EFCAB11: variants seen among roughly 807,000 people sequenced by gnomAD.
The protein encoded by EFCAB11 is EF-hand calcium binding domain 11.
Under a neutral mutation model 23.0 loss-of-function variants are expected in EFCAB11, and 14 were observed. The observed-to-expected ratio is 0.61, with a 90% CI of 0.40 to 0.95. EFCAB11 has a LOEUF of 0.95. Among genes scored for constraint, EFCAB11 ranks in the 40% least tolerant of loss-of-function variants. EFCAB11 has a pLI of 0.00. For missense variants in EFCAB11, 198 were observed against 195.8 expected (o/e 1.01, Z -0.07); for synonymous variants, 65 against 66.6 (o/e 0.98, Z 0.11).
At chr14:89,861,339 A>C (rs138966177) in intron 5 of EFCAB11, among the ~76,000 whole-genome samples, 2 of 152,302 alleles carry the variant, frequency 1.3e-5, no homozygotes, top group Non-Finnish European at 2.9e-5. Flanking sequence ...ATTCTGTGTT[A>C]AGATTTGACC....
intron 5 of EFCAB11, among the ~76,000 whole-genome samples, chr14:89,911,665 A>T (rs1889681302): frequency 6.6e-6 from 1 of 152,254 alleles, no homozygotes; most frequent in African/African-American, 2.4e-5. Context: ...ATGTAGCCCA[A>T]GCACAACAAA....
chr14:89,822,078 G>A (rs369152515), intron 5 of EFCAB11, among the ~76,000 whole-genome samples: 1 of 151,888 alleles, frequency 6.6e-6, no homozygotes, highest in African/African-American at 2.4e-5. Context: ...AATAACTCGA[G>A]GTTTTTTTTA....
intron 5 of EFCAB11, among the ~76,000 whole-genome samples, chr14:89,829,026 G>A (rs144631014): frequency 5.5e-4 from 83 of 152,252 alleles, no homozygotes; most frequent in African/African-American, 1.9e-3. Flanking sequence ...TCACATTCCT[G>A]TTTATGTGCA....
chr14:89,806,502 T>A (rs1373119674), intron 5 of EFCAB11, among the ~76,000 whole-genome samples: 2 of 152,130 alleles, frequency 1.3e-5, no homozygotes, highest in Admixed American at 1.3e-4. Context: ...TCAGACAGTT[T>A]TCAGGATAAA....
intron 5 of EFCAB11, among the ~76,000 whole-genome samples, chr14:89,842,964 C>T (rs573615922): frequency 6.6e-6 from 1 of 152,308 alleles, no homozygotes; most frequent in East Asian, 1.9e-4. Context: ...AGTTTCTAAA[C>T]AGGGTGAGGT....
At chr14:89,860,063 G>T (rs1887874106) in intron 5 of EFCAB11, among the ~76,000 whole-genome samples, 1 of 152,012 alleles carries the variant, frequency 6.6e-6, no homozygotes, top group Admixed American at 6.6e-5. Context: ...CTCCTTTTAG[G>T]ACTAAAAGAT....
chr14:89,922,411 T>C (rs1890048155), intron 5 of EFCAB11, among the ~76,000 whole-genome samples: 1 of 152,152 alleles, frequency 6.6e-6, no homozygotes, highest in Non-Finnish European at 1.5e-5. Context: ...ACCAGTGAAT[T>C]TCAGAGCTGG....
intron 5 of EFCAB11, among the ~76,000 whole-genome samples, chr14:89,895,834 G>C (rs1052960321): frequency 2.0e-5 from 3 of 152,170 alleles, no homozygotes; most frequent in Non-Finnish European, 4.4e-5. Flanking sequence ...AAAGTCACTT[G>C]AAGAAAGTGA....
chr14:89,824,537 A>G (rs1886629138), intron 5 of EFCAB11, among the ~76,000 whole-genome samples: 1 of 152,152 alleles, frequency 6.6e-6, no homozygotes, highest in Admixed American at 6.5e-5. Context: ...ACCCAATGAT[A>G]TAAATAATTA....
intron 5 of EFCAB11, among the ~76,000 whole-genome samples, chr14:89,917,091 T>C (rs1178747115): frequency 8.5e-6 from 1 of 117,658 alleles, no homozygotes; most frequent in Non-Finnish European, 1.5e-5. Flanking sequence ...TGTGTGTGTG[T>C]GTGTGTATGT....
chr14:89,896,317 G>A (rs1889158536), intron 5 of EFCAB11, among the ~76,000 whole-genome samples: 1 of 152,080 alleles, frequency 6.6e-6, no homozygotes, highest in Non-Finnish European at 1.5e-5. Flanking sequence ...GTGAACCCGG[G>A]AGGCGGAGCT....
chr14:89,910,624 T>TACATACAC (rs1430336598), intron 5 of EFCAB11, among the ~76,000 whole-genome samples: 2 of 119,746 alleles, frequency 1.7e-5, no homozygotes, highest in Non-Finnish European at 3.1e-5. Flanking sequence ...CATACATACA[T>TACATACAC]ACATACATAC....
intron 3 of EFCAB11, among the ~76,000 whole-genome samples, chr14:89,933,279 T>C (rs1213644618): frequency 6.6e-6 from 1 of 152,252 alleles, no homozygotes; most frequent in Non-Finnish European, 1.5e-5. Context: ...ACAATGTCTA[T>C]TAAAACGAAT....
At chr14:89,873,540 T>A (rs1888346029) in intron 5 of EFCAB11, among the ~76,000 whole-genome samples, 1 of 152,172 alleles carries the variant, frequency 6.6e-6, no homozygotes, top group African/African-American at 2.4e-5. Flanking sequence ...TCATCTGAGA[T>A]AAGGCAAGTC....
intron 5 of EFCAB11, among the ~76,000 whole-genome samples, chr14:89,903,876 T>C (rs1889411475): frequency 6.6e-6 from 1 of 152,294 alleles, no homozygotes; most frequent in African/African-American, 2.4e-5. Flanking sequence ...GGCGCTAATG[T>C]GGCAAAAGGC....
chr14:89,855,155 T>C (rs1044541227), intron 5 of EFCAB11, among the ~76,000 whole-genome samples: 19 of 151,878 alleles, frequency 1.3e-4, no homozygotes, highest in Middle Eastern at 3.4e-3. Flanking sequence ...TTTTGTAGCC[T>C]GAATAGGACA....
At chr14:89,803,722 C>A (rs562046213) in intron 5 of EFCAB11, among the ~76,000 whole-genome samples, 1 of 152,314 alleles carries the variant, frequency 6.6e-6, no homozygotes, top group South Asian at 2.1e-4. Flanking sequence ...AAGCAAGGAG[C>A]CCCTGCTGGG....
At chr14:89,885,863 G>T (rs186660594) in intron 5 of EFCAB11, among the ~76,000 whole-genome samples, 1 of 150,010 alleles carries the variant, frequency 6.7e-6, no homozygotes, top group Admixed American at 6.6e-5. Flanking sequence ...TGGGTTTGAA[G>T]TTGGCTTCTT....
intron 5 of EFCAB11, among the ~76,000 whole-genome samples, chr14:89,843,527 GGGA>G (rs1887336921): frequency 2.0e-5 from 3 of 152,166 alleles, no homozygotes; most frequent in African/African-American, 4.8e-5. Context: ...AGTTAAAAAG[GGGA>G]GGAGTATTTT....
Sources: allele counts gnomAD v4.1 joint callset (sites outside exome capture counted in the v4.1 genomes callset), GRCh38; gene constraint gnomAD v4.1.1; transcripts MANE v1.5; gene names NCBI Gene and HGNC (gene_info 2026-07-23, HGNC 2026-07-21).